The following FHIT variants were observed in gnomAD, a reference collection of about 807,000 sequenced individuals.
The protein encoded by FHIT is bis(5'-adenosyl)-triphosphatase.
FHIT carries 19 observed loss-of-function variants against 17.9 expected under a neutral mutation model. The ratio of observed to expected loss-of-function variants is 1.06; its 90% CI spans 0.74 to 1.56. The LOEUF (loss-of-function observed/expected upper bound fraction) is 1.56. FHIT is among the 40% of genes most tolerant of loss of function. The pLI, the probability that FHIT is intolerant of heterozygous loss-of-function variation, is 0.00. For missense variants in FHIT, 248 were observed against 189.2 expected, an observed-to-expected ratio of 1.31 and a Z score of -1.82; for synonymous variants, 81 against 69.7, an observed-to-expected ratio of 1.16 and a Z score of -0.81.
At chr3:60,901,949 T>G (rs1256101551) in intron 3 of FHIT, among the ~76,000 whole-genome samples, 7 of 152,224 alleles carry the variant, frequency 4.6e-5, no homozygotes, top group African/African-American at 1.7e-4. Flanking sequence ...TTTTGTTTTT[T>G]TGTACCTCCT....
intron 8 of FHIT, among the ~76,000 whole-genome samples, chr3:59,914,187 T>C (rs959217693): frequency 1.4e-5 from 2 of 141,566 alleles, no homozygotes; most frequent in African/African-American, 5.0e-5. Flanking sequence ...TAAAACATTA[T>C]TAATGAGATA....
At chr3:60,092,205 A>C (rs1224861026) in intron 5 of FHIT, among the ~76,000 whole-genome samples, 1 of 152,208 alleles carries the variant, frequency 6.6e-6, no homozygotes, top group East Asian at 1.9e-4. Flanking sequence ...TGAAAGAATA[A>C]ATGATTATAC....
chr3:61,029,699 T>A (rs2032917306), intron 3 of FHIT, among the ~76,000 whole-genome samples: 1 of 152,220 alleles, frequency 6.6e-6, no homozygotes. Context: ...TACATTCTTA[T>A]CAGAAGCAAA....
At chr3:61,100,762 T>C (rs1333718530) in intron 2 of FHIT, among the ~76,000 whole-genome samples, 2 of 152,234 alleles carry the variant, frequency 1.3e-5, no homozygotes, top group Non-Finnish European at 2.9e-5. Context: ...CTAACTGGCA[T>C]AAGATCGTAT....
intron 2 of FHIT, among the ~76,000 whole-genome samples, chr3:61,189,870 T>C (rs1161316072): frequency 4.6e-5 from 7 of 152,222 alleles, no homozygotes; most frequent in Non-Finnish European, 1.0e-4. Context: ...CTGGGAAAAC[T>C]GGCTAGCCAT....
chr3:60,446,681 G>C (rs1396447274), intron 5 of FHIT, among the ~76,000 whole-genome samples: 2 of 151,832 alleles, frequency 1.3e-5, no homozygotes, highest in Non-Finnish European at 2.9e-5. Flanking sequence ...GCAAGACCCT[G>C]TCTCCACAAA....
chr3:60,072,978 C>T (rs1004917031), intron 5 of FHIT, among the ~76,000 whole-genome samples: 1 of 152,080 alleles, frequency 6.6e-6, no homozygotes, highest in Admixed American at 6.5e-5. Context: ...TTACTAAATG[C>T]CAGGGAATAC....
intron 8 of FHIT, among the ~76,000 whole-genome samples, chr3:59,781,888 G>A (rs1702601333): frequency 6.6e-6 from 1 of 152,176 alleles, no homozygotes; most frequent in Non-Finnish European, 1.5e-5. Flanking sequence ...CAGTGTTGAA[G>A]CCGTCACTGA....
chr3:60,278,528 G>A (rs1006843055), intron 5 of FHIT, among the ~76,000 whole-genome samples: 3 of 152,084 alleles, frequency 2.0e-5, no homozygotes, highest in Non-Finnish European at 2.9e-5. Flanking sequence ...TCATCACCAC[G>A]TGAAGAGGTC....
At chr3:59,781,823 C>T (rs1702598524) in intron 8 of FHIT, among the ~76,000 whole-genome samples, 1 of 152,174 alleles carries the variant, frequency 6.6e-6, no homozygotes, top group Non-Finnish European at 1.5e-5. Flanking sequence ...AAAGATGCAG[C>T]CTACGGGATG....
chr3:59,809,801 C>A (rs1024383407), intron 8 of FHIT, among the ~76,000 whole-genome samples: 1 of 152,144 alleles, frequency 6.6e-6, no homozygotes, highest in African/African-American at 2.4e-5. Flanking sequence ...ATCCCTTCCC[C>A]GAAGCTGCCA....
At chr3:60,326,856 A>T (rs1250304915) in intron 5 of FHIT, among the ~76,000 whole-genome samples, 1 of 152,214 alleles carries the variant, frequency 6.6e-6, no homozygotes, top group Non-Finnish European at 1.5e-5. Context: ...TGGAAGAAGA[A>T]TTTCACAAGG....
rs571537146 is a variant in FHIT, at chr3:61,046,632, C to G, written c.-163-4533G>C. Among the ~76,000 whole-genome samples the G allele has an allele frequency of 2.6e-5, 4 of 152,320 alleles. No individual in the cohort carries two copies. In the East Asian group the frequency reaches 7.7e-4, roughly 29 times the overall value. Reference sequence around the variant, plus strand: ...TAGAGAAAGAGGGAATCATCCCTAACTCATTTTATGAGGCCAGCATCATCC... The same window carrying G: ...TAGAGAAAGAGGGAATCATCCCTAAGTCATTTTATGAGGCCAGCATCATCC... On this transcript the variant is annotated intron_variant, in intron 2 of 9. Coordinates refer to ENST00000492590, the MANE Select transcript of FHIT (RefSeq NM_002012.4).
At chr3:60,060,707 A>T (rs1297537635) in intron 5 of FHIT, among the ~76,000 whole-genome samples, 1 of 152,200 alleles carries the variant, frequency 6.6e-6, no homozygotes, top group East Asian at 1.9e-4. Context: ...AGATTTTAAA[A>T]AAGTATAATG....
At chr3:59,830,095 C>A (rs190165177) in intron 8 of FHIT, among the ~76,000 whole-genome samples, 9 of 151,078 alleles carry the variant, frequency 6.0e-5, no homozygotes, top group Admixed American at 5.9e-4. Flanking sequence ...AACAAAACAA[C>A]CCCCCCCTCA....
chr3:60,481,834 T>G (rs2033622777), intron 5 of FHIT, among the ~76,000 whole-genome samples: 1 of 152,038 alleles, frequency 6.6e-6, no homozygotes, highest in Non-Finnish European at 1.5e-5. Flanking sequence ...AATACGAACC[T>G]TAAATGTAAA....
intron 2 of FHIT, among the ~76,000 whole-genome samples, chr3:61,083,164 A>T (rs1201018722): frequency 6.6e-6 from 1 of 152,200 alleles, no homozygotes; most frequent in Non-Finnish European, 1.5e-5. Flanking sequence ...TTTTAAAAAT[A>T]GTTTTATTGA....
intron 5 of FHIT, among the ~76,000 whole-genome samples, chr3:60,337,606 T>C (rs1247909996): frequency 6.6e-6 from 1 of 152,172 alleles, no homozygotes; most frequent in African/African-American, 2.4e-5. Context: ...CACAGACCAC[T>C]CATATCCCTC....
At chr3:60,699,766 CACACACAT>C (rs1182471753) in intron 4 of FHIT, among the ~76,000 whole-genome samples, 12 of 145,844 alleles carry the variant, frequency 8.2e-5, no homozygotes, top group African/African-American at 2.8e-4. Flanking sequence ...CACACACACA[CACACACAT>C]ACACACATAC....
Sources: allele counts gnomAD v4.1 joint callset (sites outside exome capture counted in the v4.1 genomes callset), GRCh38; gene constraint gnomAD v4.1.1; transcripts MANE v1.5; gene names NCBI Gene and HGNC (gene_info 2026-07-23, HGNC 2026-07-21).